The following NEGR1 variants were observed in gnomAD, a reference collection of about 807,000 sequenced individuals.
NEGR1 encodes neuronal growth regulator 1.
Under a neutral mutation model 40.9 loss-of-function variants are expected in NEGR1, and 10 were observed. The observed-to-expected ratio is 0.24, with a 90% confidence interval of 0.15 to 0.42. NEGR1 has a LOEUF of 0.42. Among genes scored for constraint, NEGR1 ranks in the 10% least tolerant of loss-of-function variants. The pLI is 1.00. For missense variants in NEGR1, 352 were observed against 438.9 expected, an observed-to-expected ratio of 0.80 and a Z score of 1.77; for synonymous variants, 185 against 166.8, an observed-to-expected ratio of 1.11 and a Z score of -0.84.
At chr1:71,983,447 A>G (rs757991615) in intron 1 of NEGR1, among the ~76,000 whole-genome samples, 3 of 152,158 alleles carry the variant, frequency 2.0e-5, no homozygotes, top group Admixed American at 2.0e-4. Context: ...TTTTTCTGAC[A>G]GAATTTACTC....
At chr1:71,607,129 T>C (rs1413782370) in intron 5 of NEGR1, among the ~76,000 whole-genome samples, 4 of 152,230 alleles carry the variant, frequency 2.6e-5, no homozygotes, top group Non-Finnish European at 4.4e-5. Context: ...AGAAATAAAC[T>C]CTGTTCCTCT....
rs538068768 is a variant in NEGR1, at chr1:72,036,088, T to C, written c.177-100777A>G. Among the ~76,000 whole-genome samples, 17 of 152,304 alleles carry C rather than the reference T, an allele frequency of 1.1e-4. 1 individual carries two copies. The highest frequency in any genetic ancestry group is 4.1e-4 in the African/African-American group (17 of 41,580). ...CTCAGATACCAGAACTATTTGATTC[T>C]TTCAAATACCATGCCTACAATTCAC... On this transcript the variant is annotated intron_variant, in intron 1 of 6. Coordinates refer to ENST00000357731, the MANE Select transcript of NEGR1 (RefSeq NM_173808.3).
At chr1:71,751,861 A>G (rs190956684) in intron 3 of NEGR1, among the ~76,000 whole-genome samples, 1 of 152,306 alleles carries the variant, frequency 6.6e-6, no homozygotes, top group East Asian at 1.9e-4. Context: ...TAAAATTATT[A>G]TTGACATATA....
At chr1:71,867,310 G>T (rs1345435546) in intron 2 of NEGR1, among the ~76,000 whole-genome samples, 2 of 152,206 alleles carry the variant, frequency 1.3e-5, no homozygotes, top group African/African-American at 2.4e-5. Context: ...GGAGGTGGAG[G>T]TTGCAGTGAG....
intron 1 of NEGR1, among the ~76,000 whole-genome samples, chr1:72,173,943 C>CAATAATAAT (rs372415114): frequency 1.1e-4 from 17 of 151,428 alleles, no homozygotes; most frequent in African/African-American, 3.9e-4. Flanking sequence ...ACTCTTATCT[C>CAATAATAAT]AATAATAATA....
chr1:71,883,564 A>C (rs1660639217), intron 2 of NEGR1, among the ~76,000 whole-genome samples: 1 of 152,168 alleles, frequency 6.6e-6, no homozygotes, highest in Admixed American at 6.6e-5. Context: ...ATGAGAAATT[A>C]AAGGAGCTAT....
chr1:71,490,777 G>A (rs977473446), intron 6 of NEGR1, among the ~76,000 whole-genome samples: 3 of 152,036 alleles, frequency 2.0e-5, no homozygotes, highest in Non-Finnish European at 2.9e-5. Context: ...GCCCGTAACT[G>A]CAGAAATCAA....
intron 4 of NEGR1, among the ~76,000 whole-genome samples, chr1:71,634,334 G>A (rs1395812970): frequency 6.6e-6 from 1 of 152,092 alleles, no homozygotes; most frequent in African/African-American, 2.4e-5. Context: ...AATGTTATTG[G>A]CAGAATAAGC....
intron 3 of NEGR1, among the ~76,000 whole-genome samples, chr1:71,718,212 G>A (rs1332996424): frequency 2.6e-5 from 4 of 152,270 alleles, no homozygotes; most frequent in South Asian, 4.1e-4. Context: ...AACCTGGTGG[G>A]AAGTATTTTT....
At chr1:71,627,089 G>A (rs1287136111) in intron 4 of NEGR1, among the ~76,000 whole-genome samples, 1 of 152,156 alleles carries the variant, frequency 6.6e-6, no homozygotes, top group African/African-American at 2.4e-5. Flanking sequence ...TCAGTGTGGT[G>A]ATTCCTCAGG....
intron 1 of NEGR1, among the ~76,000 whole-genome samples, chr1:71,988,881 A>G (rs912059664): frequency 1.4e-5 from 2 of 144,068 alleles, no homozygotes; most frequent in African/African-American, 2.6e-5. Context: ...CCACATATCC[A>G]TGCCATGATG....
chr1:72,092,966 T>C (rs555318214), intron 1 of NEGR1, among the ~76,000 whole-genome samples: 8 of 152,194 alleles, frequency 5.3e-5, no homozygotes, highest in African/African-American at 1.9e-4. Flanking sequence ...TAACTTCTTA[T>C]CATTATTGGT....
intron 3 of NEGR1, among the ~76,000 whole-genome samples, chr1:71,718,403 C>A (rs567290614): frequency 6.6e-6 from 1 of 152,292 alleles, no homozygotes; most frequent in Non-Finnish European, 1.5e-5. Context: ...GTTCCTTGAG[C>A]CTTCACCAGA....
intron 6 of NEGR1, among the ~76,000 whole-genome samples, chr1:71,460,503 C>G (rs746080904): frequency 6.6e-6 from 1 of 152,192 alleles, no homozygotes; most frequent in South Asian, 2.1e-4. Context: ...CTCTGTAAGC[C>G]TTGCTCTTCT....
chr1:71,586,798 C>T (rs992747882), intron 6 of NEGR1, among the ~76,000 whole-genome samples: 1 of 152,134 alleles, frequency 6.6e-6, no homozygotes, highest in Non-Finnish European at 1.5e-5. Flanking sequence ...TGTATACTTT[C>T]ATGACTTATG....
chr1:72,036,619 G>A (rs1646905288), intron 1 of NEGR1, among the ~76,000 whole-genome samples: 1 of 144,150 alleles, frequency 6.9e-6, no homozygotes, highest in Non-Finnish European at 1.5e-5. Flanking sequence ...TTGCGCTATT[G>A]TACTCCAGCC....
intron 4 of NEGR1, among the ~76,000 whole-genome samples, chr1:71,618,417 G>C (rs1369523018): frequency 6.6e-6 from 1 of 152,096 alleles, no homozygotes; most frequent in Admixed American, 6.6e-5. Flanking sequence ...ATCCTGGGTT[G>C]CCACAAAGGA....
chr1:72,255,731 A>T (rs2100537496), intron 1 of NEGR1, among the ~76,000 whole-genome samples: 1 of 152,040 alleles, frequency 6.6e-6, no homozygotes, highest in South Asian at 2.1e-4. Context: ...TTTGTATTTT[A>T]GTAGAGACGG....
At chr1:71,698,232 GA>G in intron 3 of NEGR1, 93 bp from the exon 4 acceptor site, 1 of 1,080,440 alleles carries the variant, frequency 9.3e-7, no homozygotes, top group South Asian at 1.6e-5. Flanking sequence ...AGATACTGCT[GA>G]CAAAACAATT....
Sources: allele counts gnomAD v4.1 joint callset (sites outside exome capture counted in the v4.1 genomes callset), GRCh38; gene constraint gnomAD v4.1.1; transcripts MANE v1.5; gene names NCBI Gene and HGNC (gene_info 2026-07-23, HGNC 2026-07-21).